The following CAMSAP2 variants were observed in gnomAD, a reference collection of about 807,000 sequenced individuals.
CAMSAP2 encodes the protein calmodulin regulated spectrin associated protein family member 2, also known as calmodulin-regulated spectrin-associated protein 2.
In CAMSAP2, 26 loss-of-function variants were observed where a neutral mutation model predicts 146.1. The observed-to-expected ratio is 0.18, with a 90% CI of 0.13 to 0.25. CAMSAP2 has a LOEUF of 0.25. Among genes scored for constraint, CAMSAP2 ranks in the 10% least tolerant of loss-of-function variants. The pLI, the probability that CAMSAP2 is intolerant of heterozygous loss-of-function variation, is 1.00. For missense variants in CAMSAP2, 1,381 were observed against 1,759.3 expected, an observed-to-expected ratio of 0.78 and a Z score of 3.85; for synonymous variants, 499 against 596.6, an observed-to-expected ratio of 0.84 and a Z score of 2.38.
At chr1:200,746,482 G>T (rs58973871) in intron 1 of CAMSAP2, among the ~76,000 whole-genome samples, 415 of 152,286 alleles carry the variant, frequency 2.7e-3, no homozygotes, top group African/African-American at 9.2e-3. Flanking sequence ...GAACCATGTT[G>T]AGTTTGAGGA....
At chr1:200,782,593 A>G (rs1018497462) in intron 2 of CAMSAP2, among the ~76,000 whole-genome samples, 4 of 151,970 alleles carry the variant, frequency 2.6e-5, no homozygotes, top group Non-Finnish European at 5.9e-5. Context: ...TCTTTTGCTC[A>G]TATTTTTGAG....
chr1:200,822,387 G>A (rs1666797490), intron 4 of CAMSAP2, among the ~76,000 whole-genome samples: 1 of 152,074 alleles, frequency 6.6e-6, no homozygotes, highest in Non-Finnish European at 1.5e-5. Flanking sequence ...TTAAACTGAA[G>A]CAGTTCTTTA....
intron 4 of CAMSAP2, among the ~76,000 whole-genome samples, chr1:200,816,525 C>T (rs1310449795): frequency 3.4e-5 from 5 of 146,834 alleles, no homozygotes; most frequent in African/African-American, 1.0e-4. Context: ...ACCCAGGAGG[C>T]GGAGGTTGCA....
At chr1:200,820,021 T>A (rs185055727) in intron 4 of CAMSAP2, among the ~76,000 whole-genome samples, 304 of 152,254 alleles carry the variant, frequency 2.0e-3, no homozygotes, top group African/African-American at 6.6e-3. Context: ...TGTATTCTAA[T>A]ACTAACTATA....
rs1571839251 is a variant in CAMSAP2 at position 200,857,503 on chromosome 1, G to C, written c.4131+79G>C. 1.0e-6 allele frequency: 1 copy of C among 976,870 alleles called. No individual in the cohort carries two copies. The highest frequency in any genetic ancestry group is 2.4e-5 in the East Asian group (1 of 41,340). 60.5% of individuals were successfully genotyped at this position (976,870 alleles called of 1,614,324 possible). A position where few individuals can be genotyped will look rare whatever the true frequency, so the allele number is the denominator to read the frequency against. ...CATTCAAGAGAATGTACTCTCATGGGCCTAGACTTTCAACAGCATGTAAAA... is the reference window on the plus strand; with the variant it reads ...CATTCAAGAGAATGTACTCTCATGGCCCTAGACTTTCAACAGCATGTAAAA... On this transcript the variant is annotated intron_variant, in intron 16 of 16. Coordinates refer to ENST00000358823, the MANE Select transcript of CAMSAP2 (RefSeq NM_203459.4). The surrounding 1 kb of genome is among the most constrained non-coding windows in gnomAD (Gnocchi z 4.7).
At chr1:200,782,782 C>CTTTT (rs57995961) in intron 2 of CAMSAP2, among the ~76,000 whole-genome samples, 13 of 72,282 alleles carry the variant, frequency 1.8e-4, no homozygotes, top group East Asian at 3.6e-4. Context: ...TCATTTCTCT[C>CTTTT]TTTTTTTTTT....
intron 7 of CAMSAP2, among the ~76,000 whole-genome samples, chr1:200,844,504 C>T (rs1470404221): frequency 2.0e-5 from 3 of 151,740 alleles, no homozygotes; most frequent in Non-Finnish European, 2.9e-5. Flanking sequence ...GCTGAGATCG[C>T]GCCATTGCAC....
chr1:200,828,340 A>G (rs1218732584), intron 4 of CAMSAP2, among the ~76,000 whole-genome samples: 1 of 152,210 alleles, frequency 6.6e-6, no homozygotes, highest in Non-Finnish European at 1.5e-5. Context: ...GGTATCCTAC[A>G]ATGAATATCT....
At chr1:200,781,566 G>A (rs190027890) in intron 2 of CAMSAP2, among the ~76,000 whole-genome samples, 94 of 151,922 alleles carry the variant, frequency 6.2e-4, no homozygotes, top group African/African-American at 2.1e-3. Flanking sequence ...TTTTGAGACA[G>A]GGTCTCCCTC....
At position 200,848,247 on chromosome 1, in the gene CAMSAP2, A is replaced by T; in HGVS notation, c.1478A>T (p.Asp493Val). The part of the protein sequence containing the change: ...AESIEEELNI[D>V]SHSDLKSCVP... The stretch of plus-strand genomic sequence containing the variant: ...AGCATTGAAGAAGAACTTAATATAG[A>T]TTCTCACAGTGACCTCAAATCTTGT... Residue 493 changes from aspartate to valine, a missense_variant, in exon 11 of 17, where the codon GAT becomes GTT. This residue lies in a region of CAMSAP2 where 447 missense variants were observed against 462.2 expected (regional missense o/e 0.97). Coordinates refer to ENST00000358823, the MANE Select transcript of CAMSAP2 (RefSeq NM_203459.4). 1 of 1,613,592 alleles carries T rather than the reference A, an allele frequency of 6.2e-7. No homozygotes were observed. Among genetic ancestry groups the T allele is most frequent in the Non-Finnish European group, 8.5e-7 (1 of 1,179,768 alleles).
intron 2 of CAMSAP2, among the ~76,000 whole-genome samples, chr1:200,768,740 A>G (rs776978107): frequency 6.6e-6 from 1 of 151,926 alleles, no homozygotes; most frequent in Non-Finnish European, 1.5e-5. Flanking sequence ...TGCAACCTCC[A>G]TCTCCCAGGT....
intron 1 of CAMSAP2, among the ~76,000 whole-genome samples, chr1:200,747,592 T>G (rs1188011584): frequency 6.6e-6 from 1 of 152,214 alleles, no homozygotes; most frequent in Non-Finnish European, 1.5e-5. Context: ...GAAAAAGTCC[T>G]CAAGTGGGAT....
At position 200,850,197 on chromosome 1, in the gene CAMSAP2, A is replaced by T; in HGVS notation, c.3428A>T (p.Asp1143Val). The change falls in exon 11 of 17, where the codon GAT (aspartate) becomes GTT (valine). Residue 1143 changes from aspartate to valine, a missense_variant. This residue lies in a region of CAMSAP2 where 560 missense variants were observed against 715.9 expected (regional missense o/e 0.78). Transcript: ENST00000358823. ...GGAGAAAGTGATAAAGAACAATTTG[A>T]TGATGACCAGAAAGTATGCTGTGGA... The part of the protein sequence containing the change: ...YDGESDKEQF[D>V]DDQKVCCGFF... The T allele has an allele frequency of 3.1e-6, 5 of 1,599,546 alleles. No individual in the cohort carries two copies. Among genetic ancestry groups the T allele is most frequent in the South Asian group, 1.1e-5 (1 of 88,762 alleles).
chr1:200,742,120 T>C (rs1295556059), intron 1 of CAMSAP2, among the ~76,000 whole-genome samples: 1 of 152,220 alleles, frequency 6.6e-6, no homozygotes, highest in East Asian at 1.9e-4. Context: ...GGCTCACAGA[T>C]TAATTTGCAC....
intron 8 of CAMSAP2, among the ~76,000 whole-genome samples, chr1:200,845,923 A>T (rs769152845): frequency 1.3e-5 from 2 of 152,222 alleles, no homozygotes; most frequent in Non-Finnish European, 2.9e-5. Flanking sequence ...TCACCCAGGT[A>T]TATGATAGGG....
At chr1:200,840,459 A>C (rs1459703331) in intron 6 of CAMSAP2, among the ~76,000 whole-genome samples, 2 of 152,062 alleles carry the variant, frequency 1.3e-5, no homozygotes, top group Non-Finnish European at 2.9e-5. Context: ...TTATAGAGGC[A>C]AGCTATGTTG....
intron 13 of CAMSAP2, among the ~76,000 whole-genome samples, chr1:200,854,001 C>T (rs543354336): frequency 1.3e-5 from 2 of 152,096 alleles, no homozygotes; most frequent in South Asian, 2.1e-4. Flanking sequence ...TTTTTTGAAA[C>T]GGGGTCTCAG....
chr1:200,780,075 A>G (rs1169110822), intron 2 of CAMSAP2, among the ~76,000 whole-genome samples: 1 of 152,168 alleles, frequency 6.6e-6, no homozygotes, highest in Non-Finnish European at 1.5e-5. Flanking sequence ...AAAAGAATAT[A>G]AGAATATTAT....
rs537301220 is a variant in CAMSAP2 at position 200,738,940 on chromosome 1, AGCGGCG to A, written c.-876_-871del. Among the ~76,000 whole-genome samples, 2 of 149,012 alleles carry A rather than the reference AGCGGCG, an allele frequency of 1.3e-5. No homozygotes were observed. Among genetic ancestry groups the A allele is most frequent in the Non-Finnish European group, 3.0e-5 (2 of 67,558 alleles). Reference sequence around the variant, plus strand: ...TCCAGTGCCGCAGCCGGAAAACCGCAGCGGCGGCGGCGGCGGCTGAGGGGGAACGAT... The same window carrying A: ...TCCAGTGCCGCAGCCGGAAAACCGCAGCGGCGGCGGCTGAGGGGGAACGAT... On this transcript the variant is annotated 5_prime_UTR_variant, in exon 1 of 17. Transcript: ENST00000358823.
Sources: allele counts gnomAD v4.1 joint callset (sites outside exome capture counted in the v4.1 genomes callset), GRCh38; gene constraint gnomAD v4.1.1; regional missense constraint gnomAD v4.1.1; non-coding constraint Gnocchi (gnomAD v3.1); transcripts MANE v1.5; gene names NCBI Gene and HGNC (gene_info 2026-07-23, HGNC 2026-07-21).